Variants in TMEM212 observed in about 807,000 individuals in gnomAD.
TMEM212 encodes transmembrane protein 212.
Under a neutral mutation model 20.5 loss-of-function variants are expected in TMEM212, and 23 were observed. That is an observed-to-expected ratio of 1.12 (90% confidence interval 0.81 to 1.59). The LOEUF is 1.59. TMEM212 is among the 40% of genes most tolerant of loss of function. The pLI is 0.00. For synonymous variants in TMEM212, 76 were observed against 81.6 expected (o/e 0.93, Z 0.37); for missense variants, 211 against 215.0 (o/e 0.98, Z 0.12).
chr3:171,853,775 C>A lies in TMEM212; in HGVS notation c.468C>A (p.Ser156Arg), dbSNP rs1318468997. The A allele has an allele frequency of 6.5e-7, 1 of 1,537,130 alleles. No individual in the cohort carries two copies. The highest frequency in any genetic ancestry group is 8.7e-7 in the Non-Finnish European group (1 of 1,146,878). ...LTLQALDLCL[S>R]FTLLCTSLTV... ...TTCAAGCCCTAGACCTGTGCCTAAG[C>A]TTTACCCTACTCTGTACATCCTTGA... Residue 156 changes from serine (S) to arginine (R), a missense_variant, in exon 3 of 5, where the codon AGC becomes AGA. Transcript: ENST00000334567.
chr3:171,853,857 T>A lies in TMEM212; in HGVS notation c.543+7T>A. 1 of 1,529,822 alleles carries A rather than the reference T, an allele frequency of 6.5e-7. No homozygotes were observed. Among genetic ancestry groups the A allele is most frequent in the Non-Finnish European group, 8.8e-7 (1 of 1,141,754 alleles). The allele number at this position is 1,529,822 out of a possible 1,614,324, so 94.8% of individuals were successfully genotyped here. On this transcript the variant is annotated splice_region_variant and intron_variant, in intron 3 of 4. Transcript: ENST00000334567. The stretch of plus-strand genomic sequence containing the variant: ...CCAGAATGGACACATAAACGTAAGT[T>A]TCAACAAAGGGGAGGCAGGTTCTTG...
At chr3:171,853,910 T>G (rs1725052382) in intron 3 of TMEM212, 60 bp downstream of exon 3, 3 of 1,310,518 alleles carry the variant, frequency 2.3e-6, no homozygotes, top group Non-Finnish European at 3.1e-6. Flanking sequence ...AAATGGAAAG[T>G]CTGGTATGTG....
intron 1 of TMEM212, among the ~76,000 whole-genome samples, chr3:171,844,880 A>C (rs1724798100): frequency 6.6e-6 from 1 of 152,172 alleles, no homozygotes; most frequent in African/African-American, 2.4e-5. Context: ...AGTTACAATG[A>C]AGGATCCAAC....
intron 3 of TMEM212, among the ~76,000 whole-genome samples, chr3:171,856,069 CAA>C (rs534438155): frequency 6.6e-6 from 1 of 151,186 alleles, no homozygotes; most frequent in Middle Eastern, 3.2e-3. Flanking sequence ...CTGTGATTAC[CAA>C]AAAAAATAGT....
At chr3:171,857,917 G>A (rs747876884) in intron 4 of TMEM212, 144 bp from the exon 5 acceptor site, 1 of 152,076 alleles carries the variant, frequency 6.6e-6, no homozygotes, top group East Asian at 1.9e-4. Flanking sequence ...AGGATGTGGA[G>A]AAAAGGGAAT....
At chr3:171,845,187 C>G (rs1013181882) in intron 1 of TMEM212, among the ~76,000 whole-genome samples, 2 of 151,938 alleles carry the variant, frequency 1.3e-5, no homozygotes, top group African/African-American at 4.8e-5. Context: ...GGCTTCCAAA[C>G]TTTTTTTTGG....
In TMEM212 at chr3:171,859,194, A is replaced by G. The variant is rs1725196402; in HGVS notation, c.*1137A>G. On this transcript the variant is annotated 3_prime_UTR_variant, in exon 5 of 5. Coordinates refer to ENST00000334567, the MANE Select transcript of TMEM212 (RefSeq NM_001164436.2). ...AGGGATAGCATTAGGAGAAATTCCT[A>G]ATGTAGATGATGAGTTGATGGGTGT... 1 of 152,110 alleles carries G rather than the reference A, an allele frequency of 6.6e-6. No individual in the cohort carries two copies. Among genetic ancestry groups the G allele is most frequent in the Non-Finnish European group, 1.5e-5 (1 of 68,028 alleles). 9.4% of individuals were successfully genotyped at this position (152,110 alleles called of 1,614,324 possible).
intron 1 of TMEM212, among the ~76,000 whole-genome samples, chr3:171,850,230 T>C (rs1724946123): frequency 6.6e-6 from 1 of 152,200 alleles, no homozygotes. Flanking sequence ...CGCTAACCTC[T>C]TGAGCTGCCT....
At chr3:171,855,312 C>A (rs1393132455) in intron 3 of TMEM212, among the ~76,000 whole-genome samples, 2 of 151,952 alleles carry the variant, frequency 1.3e-5, no homozygotes, top group African/African-American at 4.8e-5. Flanking sequence ...TTTAAACAAG[C>A]AAATAAAATA....
At chr3:171,852,293 C>A (rs1376386708) in intron 2 of TMEM212, among the ~76,000 whole-genome samples, 1 of 152,056 alleles carries the variant, frequency 6.6e-6, no homozygotes, top group Admixed American at 6.6e-5. Context: ...CTCCACCTCC[C>A]AGGTTCAAGT....
chr3:171,848,288 C>T (rs1048251408), intron 1 of TMEM212, among the ~76,000 whole-genome samples: 1 of 152,206 alleles, frequency 6.6e-6, no homozygotes, highest in African/African-American at 2.4e-5. Flanking sequence ...GATGCCCATG[C>T]TGCTGGTCCT....
intron 1 of TMEM212, among the ~76,000 whole-genome samples, chr3:171,851,457 T>C (rs764594780): frequency 7.2e-5 from 11 of 152,218 alleles, no homozygotes; most frequent in Admixed American, 5.9e-4. Flanking sequence ...TTCATTCTAA[T>C]GATAATCTTT....
chr3:171,846,769 T>C (rs967894228), intron 1 of TMEM212, among the ~76,000 whole-genome samples: 13 of 152,338 alleles, frequency 8.5e-5, no homozygotes, highest in Admixed American at 7.8e-4. Context: ...TATGTTTTTT[T>C]ACTAGTGAGT....
rs762333772 is a variant in TMEM212 at position 171,859,254 on chromosome 3, C to T, written c.*1197C>T. 3.3e-5 allele frequency: 5 copies of T among 151,902 alleles called. No individual in the cohort carries two copies. Among genetic ancestry groups the T allele is most frequent in the Non-Finnish European group, 7.4e-5 (5 of 67,984 alleles). 9.4% of individuals were successfully genotyped at this position (151,902 alleles called of 1,614,324 possible). A position where few individuals can be genotyped will look rare whatever the true frequency, so the allele number is the denominator to read the frequency against. ...ACATGGCACATATATACCTATGCAA[C>T]AAACCTGCATGTTGTGCACATGTAC... On this transcript the variant is annotated 3_prime_UTR_variant, in exon 5 of 5. Transcript: ENST00000334567.
intron 2 of TMEM212, among the ~76,000 whole-genome samples, chr3:171,852,868 A>C (rs886348206): frequency 6.6e-6 from 1 of 152,206 alleles, no homozygotes; most frequent in Non-Finnish European, 1.5e-5. Context: ...AATCAACTAG[A>C]GATCTGGTTA....
At position 171,855,394 on chromosome 3, in the gene TMEM212, C is replaced by T. The variant is rs371012925; in HGVS notation, c.544-1269C>T. On this transcript the variant is annotated intron_variant, in intron 3 of 4. Coordinates refer to ENST00000334567, the MANE Select transcript of TMEM212 (RefSeq NM_001164436.2). ...TTGGGAGGCTGATACAGGCAGGTCA[C>T]TTGAGGTCAGGAGTTCAAAACCAGC... Among the ~76,000 whole-genome samples the T allele has an allele frequency of 1.3e-3, 193 of 152,260 alleles. 1 individual carries two copies. Among genetic ancestry groups the T allele is most frequent in the African/African-American group, 4.6e-3 (190 of 41,562 alleles).
At chr3:171,849,372 A>T (rs1317035423) in intron 1 of TMEM212, among the ~76,000 whole-genome samples, 1 of 152,146 alleles carries the variant, frequency 6.6e-6, no homozygotes, top group Non-Finnish European at 1.5e-5. Context: ...TTATTTTTAC[A>T]CCTGAACTGT....
intron 1 of TMEM212, among the ~76,000 whole-genome samples, chr3:171,845,912 T>C (rs562202229): frequency 1.3e-5 from 2 of 152,316 alleles, no homozygotes; most frequent in Admixed American, 6.5e-5. Context: ...TAAAGAGCTT[T>C]GCCAATTTTA....
At chr3:171,846,455 A>G (rs1578513610) in intron 1 of TMEM212, among the ~76,000 whole-genome samples, 1 of 152,204 alleles carries the variant, frequency 6.6e-6, no homozygotes, top group African/African-American at 2.4e-5. Flanking sequence ...TGTATATTGT[A>G]GAAGGGCAGG....
Sources: allele counts gnomAD v4.1 joint callset (sites outside exome capture counted in the v4.1 genomes callset), GRCh38; gene constraint gnomAD v4.1.1; transcripts MANE v1.5; gene names NCBI Gene and HGNC (gene_info 2026-07-23, HGNC 2026-07-21).